The following TMEM39B variants were observed in gnomAD, a reference collection of about 807,000 sequenced individuals.
The protein encoded by TMEM39B is transmembrane protein 39B.
In TMEM39B, 23 loss-of-function variants were observed where a neutral mutation model predicts 52.2. The observed-to-expected ratio is 0.44, with a 90% CI of 0.32 to 0.62. The LOEUF is 0.62. TMEM39B is among the 20% of genes least tolerant of loss of function. The pLI, the probability that TMEM39B is intolerant of heterozygous loss-of-function variation, is 0.06. For synonymous variants in TMEM39B, 285 were observed against 264.0 expected (o/e 1.08, Z -0.77); for missense variants, 547 against 642.0 (o/e 0.85, Z 1.60).
chr1:32,102,395 C>A, intron 8 of TMEM39B, 36 bp from the exon 9 acceptor site: 1 of 1,592,248 alleles, frequency 6.3e-7, no homozygotes. Flanking sequence ...ATTTCTGGAG[C>A]ACACCTTTTA....
At chr1:32,102,291 C>A (rs1485976302) in intron 8 of TMEM39B, 140 bp from the exon 9 acceptor site, 6 of 1,161,852 alleles carry the variant, frequency 5.2e-6, no homozygotes, top group East Asian at 2.4e-5. Flanking sequence ...CCACATCCAA[C>A]CCCAGAAAGT....
intron 1 of TMEM39B, among the ~76,000 whole-genome samples, chr1:32,074,419 C>T (rs1639766451): frequency 6.6e-6 from 1 of 152,138 alleles, no homozygotes; most frequent in Non-Finnish European, 1.5e-5. Context: ...AAAAACCTAC[C>T]TTGCTGGGTT....
At chr1:32,081,968 A>G (rs1640116473) in intron 5 of TMEM39B, among the ~76,000 whole-genome samples, 1 of 152,148 alleles carries the variant, frequency 6.6e-6, no homozygotes, top group Non-Finnish European at 1.5e-5. Context: ...ACATACACAC[A>G]TATGCAAGTA....
intron 7 of TMEM39B, among the ~76,000 whole-genome samples, chr1:32,097,059 C>A (rs770590835): frequency 1.1e-4 from 16 of 152,064 alleles, no homozygotes; most frequent in African/African-American, 3.6e-4. Context: ...CCCACCTCGA[C>A]CTCCCAGAGT....
At chr1:32,100,060 C>T (rs933894400) in intron 7 of TMEM39B, among the ~76,000 whole-genome samples, 15 of 151,712 alleles carry the variant, frequency 9.9e-5, no homozygotes, top group African/African-American at 3.4e-4. Flanking sequence ...AAAAAAAAGC[C>T]CACAAAGAGT....
At chr1:32,073,075 G>A (rs1436923185) in intron 1 of TMEM39B, 24 bp downstream of exon 1, 4 of 1,461,826 alleles carry the variant, frequency 2.7e-6, no homozygotes, top group Non-Finnish European at 3.6e-6. Context: ...CTCAGGCTCG[G>A]CCTGGCAACG....
chr1:32,075,657 G>A lies in TMEM39B; in HGVS notation c.186G>A (p.Val62=). Residue 62 remains valine, a synonymous_variant, in exon 3 of 9, where the codon GTG becomes GTA. Coordinates refer to ENST00000336294, the MANE Select transcript of TMEM39B (RefSeq NM_018056.4). ...CTCCTCTGGCCACCCAAACTGTTGT[G>A]CCTCTACAGCACTGCAAGATCCCCG... ...SSPPLATQTV[V]PLQHCKIPEL... 3 of 1,551,700 alleles carry A rather than the reference G, an allele frequency of 1.9e-6. No individual in the cohort carries two copies. Among genetic ancestry groups the A allele is most frequent in the Non-Finnish European group, 2.6e-6 (3 of 1,147,018 alleles).
At chr1:32,076,675 A>G (rs1297723298) in intron 3 of TMEM39B, 88 bp from the exon 4 acceptor site, 1 of 1,331,186 alleles carries the variant, frequency 7.5e-7, no homozygotes, top group Non-Finnish European at 1.1e-6. Context: ...TCTCTGTGGA[A>G]AGAAATGGGC....
At chr1:32,093,640 GA>G (rs948526977) in intron 6 of TMEM39B, among the ~76,000 whole-genome samples, 25 of 151,542 alleles carry the variant, frequency 1.6e-4, no homozygotes, top group Middle Eastern at 3.4e-3. Context: ...TCGAACTCCT[GA>G]CCTCAAGTGA....
At chr1:32,079,650 C>T (rs866907798) in intron 5 of TMEM39B, among the ~76,000 whole-genome samples, 1 of 152,140 alleles carries the variant, frequency 6.6e-6, no homozygotes, top group South Asian at 2.1e-4. Context: ...CCTCCCACCT[C>T]AGCCTTCTGA....
At chr1:32,078,554 A>G (rs1639961208) in intron 5 of TMEM39B, among the ~76,000 whole-genome samples, 1 of 152,224 alleles carries the variant, frequency 6.6e-6, no homozygotes, top group African/African-American at 2.4e-5. Flanking sequence ...ATGGAAAAAG[A>G]AAGTCCCACA....
chr1:32,077,055 G>A (rs551458339), intron 4 of TMEM39B, 109 bp from the exon 5 acceptor site: 112 of 1,489,594 alleles, frequency 7.5e-5, no homozygotes, highest in Non-Finnish European at 9.8e-5. Context: ...CCAGCCTGCT[G>A]TGCCACCTCT....
chr1:32,078,335 T>G (rs1639951989), intron 5 of TMEM39B, among the ~76,000 whole-genome samples: 1 of 151,880 alleles, frequency 6.6e-6, no homozygotes, highest in South Asian at 2.1e-4. Context: ...CATAAAAAAC[T>G]AGCCAGGTGT....
intron 3 of TMEM39B, chr1:32,076,100 C>CTTA: frequency 7.0e-6 from 1 of 143,268 alleles, no homozygotes; most frequent in African/African-American, 3.0e-5. Context: ...CTTTTCTTTT[C>CTTA]TTCTTTTTTT....
chr1:32,082,210 T>C (rs960921570), intron 5 of TMEM39B, among the ~76,000 whole-genome samples: 1 of 152,144 alleles, frequency 6.6e-6, no homozygotes, highest in African/African-American at 2.4e-5. Context: ...CTCTTTTCAC[T>C]TCCTGGCAGC....
At chr1:32,099,976 G>A (rs1296091340) in intron 7 of TMEM39B, among the ~76,000 whole-genome samples, 1 of 152,148 alleles carries the variant, frequency 6.6e-6, no homozygotes, top group Non-Finnish European at 1.5e-5. Context: ...GAACCTGGGA[G>A]GCGGAGGTTG....
intron 3 of TMEM39B, 23 bp downstream of exon 3, chr1:32,075,845 T>TGTGTG (rs1173342938): frequency 8.1e-7 from 1 of 1,238,690 alleles, no homozygotes; most frequent in Non-Finnish European, 1.1e-6. Flanking sequence ...CAAGGGTGTG[T>TGTGTG]GTGTGTGTGT....
chr1:32,096,569 C>T (rs1166248332), intron 7 of TMEM39B, among the ~76,000 whole-genome samples: 1 of 148,896 alleles, frequency 6.7e-6, no homozygotes, highest in African/African-American at 2.5e-5. Context: ...AAGCGATTCT[C>T]CTGCCTCGGG....
At chr1:32,074,148 A>G (rs997274943) in intron 1 of TMEM39B, among the ~76,000 whole-genome samples, 1 of 151,926 alleles carries the variant, frequency 6.6e-6, no homozygotes, top group Admixed American at 6.6e-5. Context: ...AGTAGGTCCA[A>G]TTTTTCAGTC....
Sources: allele counts gnomAD v4.1 joint callset (sites outside exome capture counted in the v4.1 genomes callset), GRCh38; gene constraint gnomAD v4.1.1; transcripts MANE v1.5; gene names NCBI Gene and HGNC (gene_info 2026-07-23, HGNC 2026-07-21).